Variants in NFIC observed in about 807,000 individuals in gnomAD.
The protein encoded by NFIC is nuclear factor I C.
NFIC carries 12 observed loss-of-function variants against 54.4 expected under a neutral mutation model. That is an observed-to-expected ratio of 0.22 (90% CI 0.14 to 0.36). NFIC has a LOEUF of 0.36. Among genes scored for constraint, NFIC ranks in the 10% least tolerant of loss-of-function variants. The pLI, the probability that NFIC is intolerant of heterozygous loss-of-function variation, is 1.00. For synonymous variants in NFIC, 322 were observed against 319.2 expected, an observed-to-expected ratio of 1.01 and a Z score of -0.09; for missense variants, 575 against 718.2, an observed-to-expected ratio of 0.80 and a Z score of 2.28.
chr19:3,366,798 C>G, intron 1 of NFIC, 132 bp downstream of exon 1: 1 of 581,428 alleles, frequency 1.7e-6, no homozygotes, highest in East Asian at 3.5e-5. Flanking sequence ...GGATGCCCCC[C>G]GCGCCGAGGG....
chr19:3,370,690 C>CTGTG lies in NFIC; in HGVS notation c.30+4027_30+4028insGTGT, dbSNP rs1568399023. On this transcript the variant is annotated intron_variant, in intron 1 of 10. Transcript: ENST00000443272. This position sits in a 1 kb window ranked among gnomAD's most constrained non-coding sequence, Gnocchi z 5.2. Reference sequence around the variant, plus strand: ...CCCTCTCTGTTCCTCTTCTTTCTCTCTGTCTGTCTCTTTCTTTCTCCCTCC... The same window carrying CTGTG: ...CCCTCTCTGTTCCTCTTCTTTCTCTCTGTGTGTCTGTCTCTTTCTTTCTCCCTCC... Among the ~76,000 whole-genome samples, 1 of 52,570 alleles carries CTGTG rather than the reference C, an allele frequency of 1.9e-5. No homozygotes were observed. Among genetic ancestry groups the CTGTG allele is most frequent in the African/African-American group, 7.4e-5 (1 of 13,588 alleles). 34.5% of individuals were successfully genotyped at this position (52,570 alleles called of 152,430 possible).
chr19:3,453,972 C>G lies in NFIC; in HGVS notation c.1423+56C>G. 1.4e-6 allele frequency: 2 copies of G among 1,446,604 alleles called. No homozygotes were observed. Among genetic ancestry groups the G allele is most frequent in the South Asian group, 1.4e-5 (1 of 69,582 alleles). The allele number at this position is 1,446,604 out of a possible 1,614,324, so 89.6% of individuals were successfully genotyped here. A position where few individuals can be genotyped will look rare whatever the true frequency, so the allele number is the denominator to read the frequency against. ...GGCGGATGTCCGCAGGGGGGCCTGT[C>G]CCCTCCCCAGCCCCACTGCCAGGTC... On this transcript the variant is annotated intron_variant, in intron 9 of 10. Coordinates refer to ENST00000443272, the MANE Select transcript of NFIC (RefSeq NM_001245002.2). The surrounding 1 kb of genome is among the most constrained non-coding windows in gnomAD (Gnocchi z 6.7).
chr19:3,424,523 C>T (rs951065150), intron 2 of NFIC, among the ~76,000 whole-genome samples: 3 of 151,908 alleles, frequency 2.0e-5, no homozygotes, highest in African/African-American at 4.8e-5. Flanking sequence ...ATTACAGGTA[C>T]GCATCACCAC....
At chr19:3,416,511 C>CATT (rs199580385) in intron 2 of NFIC, among the ~76,000 whole-genome samples, 2,413 of 149,644 alleles carry the variant, frequency 0.016, 46 homozygotes, top group East Asian at 0.11. Flanking sequence ...TATGTCTGTA[C>CATT]ATTATTATTA....
chr19:3,399,403 GC>G (rs933911445), intron 2 of NFIC, among the ~76,000 whole-genome samples: 21 of 151,328 alleles, frequency 1.4e-4, no homozygotes, highest in African/African-American at 4.8e-4. Flanking sequence ...ATAGTGAGAT[GC>G]CCATCTCTAC....
At chr19:3,382,756 G>A (rs891286946) in intron 2 of NFIC, among the ~76,000 whole-genome samples, 6 of 150,562 alleles carry the variant, frequency 4.0e-5, no homozygotes, top group African/African-American at 7.4e-5. Context: ...TAGATGTGAT[G>A]TGGTGGTCTG....
At chr19:3,382,765 T>C (rs1306732405) in intron 2 of NFIC, among the ~76,000 whole-genome samples, 3 of 150,270 alleles carry the variant, frequency 2.0e-5, no homozygotes, top group African/African-American at 7.4e-5. Context: ...TGTGGTGGTC[T>C]GAGGGGGGAG....
Position 3,381,952 on chromosome 19 carries a change from G to C in NFIC, c.271G>C (p.Asp91His), listed in dbSNP as rs2081217040. 1 of 1,613,420 alleles carries C rather than the reference G, an allele frequency of 6.2e-7. No homozygotes were observed. The highest frequency in any genetic ancestry group is 8.5e-7 in the Non-Finnish European group (1 of 1,179,920). Residue 91 changes from aspartate to histidine, a missense_variant, in exon 2 of 11, where the codon GAC becomes CAC. Coordinates refer to ENST00000443272, the MANE Select transcript of NFIC (RefSeq NM_001245002.2). ...RKDIRPECREDFVLSITGKKA... is the reference protein window; with the variant it reads ...RKDIRPECREHFVLSITGKKA... The stretch of plus-strand genomic sequence containing the variant: ...GGACATCCGGCCCGAGTGCCGCGAG[G>C]ACTTCGTGCTGAGCATCACCGGCAA...
At chr19:3,374,316 G>C (rs1370112331) in intron 1 of NFIC, among the ~76,000 whole-genome samples, 1 of 152,182 alleles carries the variant, frequency 6.6e-6, no homozygotes, top group Non-Finnish European at 1.5e-5. Context: ...AGTGGGCTAA[G>C]CTGGGGTTTC....
At chr19:3,404,798 G>T (rs1290810242) in intron 2 of NFIC, among the ~76,000 whole-genome samples, 1 of 152,208 alleles carries the variant, frequency 6.6e-6, no homozygotes, top group Admixed American at 6.5e-5. Context: ...GTCCCTACGC[G>T]CAGGCCTCCG....
At chr19:3,399,262 G>A (rs1190722498) in intron 2 of NFIC, among the ~76,000 whole-genome samples, 2 of 152,214 alleles carry the variant, frequency 1.3e-5, no homozygotes, top group East Asian at 3.8e-4. Context: ...TGCTGAGGGA[G>A]AGTCAATAAG....
At chr19:3,417,860 G>A (rs183207571) in intron 2 of NFIC, among the ~76,000 whole-genome samples, 22 of 146,922 alleles carry the variant, frequency 1.5e-4, no homozygotes, top group South Asian at 4.3e-4. Flanking sequence ...GGATGGTCTC[G>A]ATCTCCTGAC....
rs1371203152 is a variant in NFIC, at chr19:3,465,286, G to A, written c.*2517G>A. Reference sequence around the variant, plus strand: ...TAAGTATTACCTTTAAACAATATCAGCGCACACACATAGCTGCATGTTCTG... The same window carrying A: ...TAAGTATTACCTTTAAACAATATCAACGCACACACATAGCTGCATGTTCTG... On this transcript the variant is annotated 3_prime_UTR_variant, in exon 11 of 11. Transcript: ENST00000443272. 1 of 146,818 alleles carries A rather than the reference G, an allele frequency of 6.8e-6. No homozygotes were observed. The highest frequency in any genetic ancestry group is 2.5e-5 in the African/African-American group (1 of 39,604). 9.1% of individuals were successfully genotyped at this position (146,818 alleles called of 1,614,324 possible). A position where few individuals can be genotyped will look rare whatever the true frequency, so the allele number is the denominator to read the frequency against.
chr19:3,386,975 T>C (rs983374521), intron 2 of NFIC, among the ~76,000 whole-genome samples: 1 of 152,194 alleles, frequency 6.6e-6, no homozygotes, highest in African/African-American at 2.4e-5. Context: ...GGCCACCGGC[T>C]TCCTTTTCCG....
In NFIC at chr19:3,370,483, C is replaced by T. The variant is rs576862364; in HGVS notation, c.30+3817C>T. On this transcript the variant is annotated intron_variant, in intron 1 of 10. Coordinates refer to ENST00000443272, the MANE Select transcript of NFIC (RefSeq NM_001245002.2). This position sits in a 1 kb window ranked among gnomAD's most constrained non-coding sequence, Gnocchi z 5.2. ...ATTCTGGCAGAGTCAGCGTTCTCCTCTCTCTCTCTCTCTCTCTCTGTCTCC... is the reference window on the plus strand; with the variant it reads ...ATTCTGGCAGAGTCAGCGTTCTCCTTTCTCTCTCTCTCTCTCTCTGTCTCC... Among the ~76,000 whole-genome samples the T allele has an allele frequency of 1.4e-5, 1 of 73,744 alleles. No homozygotes were observed. Among genetic ancestry groups the T allele is most frequent in the Non-Finnish European group, 2.4e-5 (1 of 41,246 alleles). The allele number at this position is 73,744 out of a possible 152,430, so 48.4% of individuals were successfully genotyped here. A position where few individuals can be genotyped will look rare whatever the true frequency, so the allele number is the denominator to read the frequency against.
intron 1 of NFIC, among the ~76,000 whole-genome samples, chr19:3,371,213 C>T (rs937941169): frequency 1.3e-5 from 2 of 152,072 alleles, no homozygotes; most frequent in Non-Finnish European, 2.9e-5. Context: ...TCTTTCCTGA[C>T]TCTGGTGGGT....
intron 2 of NFIC, among the ~76,000 whole-genome samples, chr19:3,410,204 CT>C (rs200805869): frequency 6.6e-6 from 1 of 151,432 alleles, no homozygotes; most frequent in Non-Finnish European, 1.5e-5. Context: ...CCACGCCCGG[CT>C]TTTTTTTTGT....
In NFIC at chr19:3,416,958, A is replaced by G. The variant is rs751088894; in HGVS notation, c.563-8148A>G. Among the ~76,000 whole-genome samples, 428 of 146,508 alleles carry G rather than the reference A, an allele frequency of 2.9e-3. 1 individual carries two copies. Among genetic ancestry groups the G allele is most frequent in the East Asian group, 0.02 (95 of 4,864 alleles). ...GAGTGCAGTGGCGCGATCTCGGCTC[A>G]CTGCAAGCTCCGCCTGCCGGGTTCA... On this transcript the variant is annotated intron_variant, in intron 2 of 10. Coordinates refer to ENST00000443272, the MANE Select transcript of NFIC (RefSeq NM_001245002.2).
chr19:3,387,509 T>A (rs548938371), intron 2 of NFIC, among the ~76,000 whole-genome samples: 7 of 150,970 alleles, frequency 4.6e-5, no homozygotes, highest in African/African-American at 1.2e-4. Context: ...AAATAAAAAT[T>A]AAAATTAATA....
Sources: allele counts gnomAD v4.1 joint callset (sites outside exome capture counted in the v4.1 genomes callset), GRCh38; gene constraint gnomAD v4.1.1; non-coding constraint Gnocchi (gnomAD v3.1); transcripts MANE v1.5; gene names NCBI Gene and HGNC (gene_info 2026-07-23, HGNC 2026-07-21).